The following USP6NL variants were observed in gnomAD, a reference collection of about 807,000 sequenced individuals.
USP6NL encodes the protein USP6 N-terminal like, also known as USP6 N-terminal-like protein.
In USP6NL, 26 loss-of-function variants were observed where a neutral mutation model predicts 61.9. That is an observed-to-expected ratio of 0.42 (90% confidence interval 0.31 to 0.58). The LOEUF is 0.58. Among genes scored for constraint, USP6NL ranks in the 20% least tolerant of loss-of-function variants. The pLI is 0.16. For synonymous variants in USP6NL, 432 were observed against 390.1 expected (o/e 1.11, Z -1.27); for missense variants, 1,114 against 1,034.3 (o/e 1.08, Z -1.06).
In USP6NL at chr10:11,513,802, C is replaced by T. The variant is rs557720214; in HGVS notation, c.196-4127G>A. Among the ~76,000 whole-genome samples, 2 of 152,246 alleles carry T rather than the reference C, an allele frequency of 1.3e-5. No homozygotes were observed. Among genetic ancestry groups the T allele is most frequent in the East Asian group, 3.9e-4 (2 of 5,170 alleles). On this transcript the variant is annotated intron_variant, in intron 5 of 14. Transcript: ENST00000609104. The surrounding 1 kb of genome is among the most constrained non-coding windows in gnomAD (Gnocchi z 4.7). ...CTTGCCCCAAGACTGTTCTTTATAGCTGGTTTTTTCTGTGGTGTGGGCAAC... is the reference window on the plus strand; with the variant it reads ...CTTGCCCCAAGACTGTTCTTTATAGTTGGTTTTTTCTGTGGTGTGGGCAAC...
At chr10:11,590,621 C>G (rs994069078) in intron 2 of USP6NL, among the ~76,000 whole-genome samples, 2 of 152,026 alleles carry the variant, frequency 1.3e-5, no homozygotes, top group Admixed American at 1.3e-4. Context: ...AAAAGAGATA[C>G]AGATTTTTTT....
chr10:11,462,899 C>A lies in USP6NL; in HGVS notation c.2029G>T (p.Val677Phe). 1 of 1,613,498 alleles carries A rather than the reference C, an allele frequency of 6.2e-7. No individual in the cohort carries two copies. The highest frequency in any genetic ancestry group is 1.1e-5 in the South Asian group (1 of 91,020). The change falls in exon 15 of 15, where the codon GTC becomes TTC. Residue 677 changes from valine to phenylalanine, a missense_variant. Coordinates refer to ENST00000609104, the MANE Select transcript of USP6NL (RefSeq NM_014688.5). Reference sequence around the variant, plus strand: ...TAAGATTTCTCCGGAGAAGCACTGACGGAAAGAGTAGAACCATGAGGTCTC... The same window carrying A: ...TAAGATTTCTCCGGAGAAGCACTGAAGGAAAGAGTAGAACCATGAGGTCTC... ...SRRPHGSTLS[V>F]SASPEKSYSR...
intron 2 of USP6NL, among the ~76,000 whole-genome samples, chr10:11,573,164 T>G (rs952804278): frequency 6.6e-6 from 1 of 152,124 alleles, no homozygotes; most frequent in Admixed American, 6.5e-5. Context: ...TTATCAGCTA[T>G]TCACACAAAT....
chr10:11,504,742 T>C (rs969189806), intron 6 of USP6NL, among the ~76,000 whole-genome samples: 1 of 152,212 alleles, frequency 6.6e-6, no homozygotes, highest in Non-Finnish European at 1.5e-5. Context: ...CACAGCGTAC[T>C]GGGAAGAGAA....
rs1010079101 is a variant in USP6NL at position 11,597,273 on chromosome 10, A to C, written c.4+358T>G. 2.0e-5 allele frequency among the ~76,000 whole-genome samples: 3 copies of C among 152,188 alleles called. No homozygotes were observed. Among genetic ancestry groups the C allele is most frequent in the Non-Finnish European group, 4.4e-5 (3 of 68,028 alleles). ...TATAACCCATGTTACTCAATGATTAAATTTCACACAATAAAATCTCTACTA... is the reference window on the plus strand; with the variant it reads ...TATAACCCATGTTACTCAATGATTACATTTCACACAATAAAATCTCTACTA... On this transcript the variant is annotated intron_variant, in intron 2 of 14. Coordinates refer to ENST00000609104, the MANE Select transcript of USP6NL (RefSeq NM_014688.5). The surrounding 1 kb of genome is among the most constrained non-coding windows in gnomAD (Gnocchi z 4.6).
Position 11,562,569 on chromosome 10 carries a change from G to A in USP6NL, c.5-35002C>T. The A allele has an allele frequency of 1.0e-6, 1 of 985,408 alleles. No homozygotes were observed. The highest frequency in any genetic ancestry group is 1.2e-6 in the Non-Finnish European group (1 of 829,930). 61.0% of individuals were successfully genotyped at this position (985,408 alleles called of 1,614,324 possible). ...ACTCTGAGTCTAGCTAGCCTGGACT[G>A]TTTCAGCCACTCAGCCAGGTTTTAA... On this transcript the variant is annotated intron_variant, in intron 2 of 14. Transcript: ENST00000609104. This position sits in a 1 kb window ranked among gnomAD's most constrained non-coding sequence, Gnocchi z 4.8.
intron 2 of USP6NL, among the ~76,000 whole-genome samples, chr10:11,579,460 T>G (rs1241550668): frequency 6.6e-6 from 1 of 152,192 alleles, no homozygotes; most frequent in African/African-American, 2.4e-5. Context: ...ACTACTTCAA[T>G]TACATGCAGT....
chr10:11,503,567 G>C (rs1201755514), intron 6 of USP6NL, among the ~76,000 whole-genome samples: 1 of 152,146 alleles, frequency 6.6e-6, no homozygotes, highest in Non-Finnish European at 1.5e-5. Flanking sequence ...CATTGATACA[G>C]TGTCACTATC....
At chr10:11,502,414 T>A (rs1253572311) in intron 6 of USP6NL, among the ~76,000 whole-genome samples, 1 of 152,160 alleles carries the variant, frequency 6.6e-6, no homozygotes, top group Non-Finnish European at 1.5e-5. Flanking sequence ...ACATAAAACC[T>A]ATTACGGTCA....
At chr10:11,573,759 T>C in intron 2 of USP6NL, 1 of 397,958 alleles carries the variant, frequency 2.5e-6, no homozygotes, top group Non-Finnish European at 4.4e-6. Context: ...ATTTCTGCTT[T>C]CAGAAAGCTC....
Position 11,463,931 on chromosome 10 carries a change from A to T in USP6NL, c.1079-82T>A. On this transcript the variant is annotated intron_variant, in intron 14 of 14. Coordinates refer to ENST00000609104, the MANE Select transcript of USP6NL (RefSeq NM_014688.5). The surrounding 1 kb of genome is among the most constrained non-coding windows in gnomAD (Gnocchi z 6.3). Reference sequence around the variant, plus strand: ...GAAGCAATCCATTAGTAACAATGGCATGCTTTTCATCTGTGCACAGATACA... The same window carrying T: ...GAAGCAATCCATTAGTAACAATGGCTTGCTTTTCATCTGTGCACAGATACA... 5 of 1,292,796 alleles carry T rather than the reference A, an allele frequency of 3.9e-6. No individual in the cohort carries two copies. Among genetic ancestry groups the T allele is most frequent in the Non-Finnish European group, 5.2e-6 (5 of 956,010 alleles). The allele number at this position is 1,292,796 out of a possible 1,614,324, so 80.1% of individuals were successfully genotyped here. A position where few individuals can be genotyped will look rare whatever the true frequency, so the allele number is the denominator to read the frequency against.
At chr10:11,581,150 C>G (rs951409671) in intron 2 of USP6NL, among the ~76,000 whole-genome samples, 1 of 151,948 alleles carries the variant, frequency 6.6e-6, no homozygotes, top group African/African-American at 2.4e-5. Context: ...AATGAATGTT[C>G]ACTATAGAAA....
At position 11,485,883 on chromosome 10, in the gene USP6NL, G is replaced by C; in HGVS notation, c.693C>G (p.Leu231=). The part of the protein sequence containing the change: ...HGFFVQGFPK[L]LRFQEHHEKI... ...TTTCATGATGTTCTTGAAACCTCAA[G>C]AGTTTAGGAAAACCTTGGACAAAAA... is the stretch of plus-strand genomic sequence containing the variant. Residue 231 remains leucine, a synonymous_variant, in exon 11 of 15, where the codon CTC becomes CTG. Coordinates refer to ENST00000609104, the MANE Select transcript of USP6NL (RefSeq NM_014688.5). The surrounding 1 kb of genome is among the most constrained non-coding windows in gnomAD (Gnocchi z 4.8). The C allele has an allele frequency of 6.4e-7, 1 of 1,553,296 alleles. No homozygotes were observed. The highest frequency in any genetic ancestry group is 8.7e-7 in the Non-Finnish European group (1 of 1,148,894).
chr10:11,601,006 A>C (rs1195283841), intron 1 of USP6NL, among the ~76,000 whole-genome samples: 1 of 152,176 alleles, frequency 6.6e-6, no homozygotes, highest in Non-Finnish European at 1.5e-5. Flanking sequence ...ACTCTAACCA[A>C]AAGAGAGACA....
At position 11,595,918 on chromosome 10, in the gene USP6NL, T is replaced by C. The variant is rs1290827446; in HGVS notation, c.4+1713A>G. Among the ~76,000 whole-genome samples, 1 of 152,192 alleles carries C rather than the reference T, an allele frequency of 6.6e-6. No individual in the cohort carries two copies. Among genetic ancestry groups the C allele is most frequent in the Non-Finnish European group, 1.5e-5 (1 of 68,038 alleles). On this transcript the variant is annotated intron_variant, in intron 2 of 14. Coordinates refer to ENST00000609104, the MANE Select transcript of USP6NL (RefSeq NM_014688.5). This position sits in a 1 kb window ranked among gnomAD's most constrained non-coding sequence, Gnocchi z 5.3. ...AAGAACCAGTTAAAAATCTTGCAAA[T>C]GAAATATAAATATTACAATTTAAAG...
intron 1 of USP6NL, among the ~76,000 whole-genome samples, chr10:11,601,372 G>A (rs1317142024): frequency 6.6e-6 from 1 of 152,146 alleles, no homozygotes; most frequent in Non-Finnish European, 1.5e-5. Context: ...GAATGCCAGA[G>A]CCCACAGTGA....
intron 2 of USP6NL, among the ~76,000 whole-genome samples, chr10:11,535,745 G>C (rs1057279816): frequency 1.3e-5 from 2 of 152,148 alleles, no homozygotes; most frequent in African/African-American, 2.4e-5. Flanking sequence ...GCGCCTCTTA[G>C]TTACGTTTTT....
In USP6NL at chr10:11,575,637, A is replaced by G. The variant is rs1837512441; in HGVS notation, c.4+21994T>C. ...TTTTGAAAATGAAAATCACATAGCA[A>G]TCACTTTGAACACATTGGTTCACTA... On this transcript the variant is annotated intron_variant, in intron 2 of 14. Coordinates refer to ENST00000609104, the MANE Select transcript of USP6NL (RefSeq NM_014688.5). The surrounding 1 kb of genome is among the most constrained non-coding windows in gnomAD (Gnocchi z 4.2). 6.6e-6 allele frequency among the ~76,000 whole-genome samples: 1 copy of G among 152,180 alleles called. No homozygotes were observed. Among genetic ancestry groups the G allele is most frequent in the East Asian group, 1.9e-4 (1 of 5,204 alleles).
chr10:11,543,371 C>A (rs1277481533), intron 2 of USP6NL, among the ~76,000 whole-genome samples: 1 of 151,986 alleles, frequency 6.6e-6, no homozygotes, highest in Non-Finnish European at 1.5e-5. Flanking sequence ...GAAACCCCGT[C>A]TCTACTAAAA....
Sources: allele counts gnomAD v4.1 joint callset (sites outside exome capture counted in the v4.1 genomes callset), GRCh38; gene constraint gnomAD v4.1.1; non-coding constraint Gnocchi (gnomAD v3.1); transcripts MANE v1.5; gene names NCBI Gene and HGNC (gene_info 2026-07-23, HGNC 2026-07-21).